NEK7: variants seen among roughly 807,000 people sequenced by gnomAD.
The protein encoded by NEK7 is NIMA related kinase 7, also known as serine/threonine-protein kinase Nek7.
NEK7 carries 18 observed loss-of-function variants against 44.6 expected under a neutral mutation model. That is an observed-to-expected ratio of 0.40 (90% CI 0.28 to 0.60). The LOEUF (loss-of-function observed/expected upper bound fraction) is 0.60. Among genes scored for constraint, NEK7 ranks in the 20% least tolerant of loss-of-function variants. The pLI is 0.38. For missense variants in NEK7, 256 were observed against 366.5 expected (o/e 0.70, Z 2.46); for synonymous variants, 130 against 121.1 (o/e 1.07, Z -0.48).
At chr1:198,230,305 C>T (rs940549547) in intron 1 of NEK7, among the ~76,000 whole-genome samples, 2 of 152,058 alleles carry the variant, frequency 1.3e-5, no homozygotes, top group Non-Finnish European at 2.9e-5. Flanking sequence ...GACCTTGAAT[C>T]CAATACTGCA....
intron 1 of NEK7, among the ~76,000 whole-genome samples, chr1:198,198,958 C>T (rs771382306): frequency 2.0e-5 from 3 of 152,194 alleles, no homozygotes; most frequent in Non-Finnish European, 2.9e-5. Context: ...AATTGCACTA[C>T]TGCTTATGTG....
intron 7 of NEK7, among the ~76,000 whole-genome samples, chr1:198,281,089 A>G (rs1654181195): frequency 6.6e-6 from 1 of 151,994 alleles, no homozygotes; most frequent in Non-Finnish European, 1.5e-5. Context: ...TTTGGACTCC[A>G]GTCTACTAAG....
chr1:198,158,669 T>C (rs1452247339), intron 1 of NEK7, among the ~76,000 whole-genome samples: 1 of 152,230 alleles, frequency 6.6e-6, no homozygotes, highest in Non-Finnish European at 1.5e-5. Context: ...TAATGCTTTG[T>C]GGCAACTCTT....
intron 5 of NEK7, among the ~76,000 whole-genome samples, chr1:198,275,464 A>G (rs887801471): frequency 6.6e-6 from 1 of 150,838 alleles, no homozygotes; most frequent in African/African-American, 2.4e-5. Context: ...TAACAAATAT[A>G]TGTACATTTT....
chr1:198,233,442 T>G (rs922261426), intron 2 of NEK7, among the ~76,000 whole-genome samples: 2 of 152,208 alleles, frequency 1.3e-5, no homozygotes, highest in African/African-American at 4.8e-5. Context: ...TTATTGCTGT[T>G]GTTCCTGAAG....
chr1:198,208,054 T>C (rs1665650212), intron 1 of NEK7, among the ~76,000 whole-genome samples: 1 of 152,208 alleles, frequency 6.6e-6, no homozygotes, highest in Non-Finnish European at 1.5e-5. Context: ...TGTGGTTTCA[T>C]GTAGATGTTT....
At position 198,320,030 on chromosome 1, in the gene NEK7, T is replaced by C. The variant is rs1655489999; in HGVS notation, c.*508T>C. On this transcript the variant is annotated 3_prime_UTR_variant, in exon 10 of 10. Transcript: ENST00000367385. The stretch of plus-strand genomic sequence containing the variant: ...TTCTTAGCAGAGTAGTTTTCAAATA[T>C]GATTCTTATGATAAATGTAGACACA... 6.6e-6 allele frequency: 1 copy of C among 152,222 alleles called. No individual in the cohort carries two copies. The highest frequency in any genetic ancestry group is 2.4e-5 in the African/African-American group (1 of 41,454). The allele number at this position is 152,222 out of a possible 1,614,324, so 9.4% of individuals were successfully genotyped here.
intron 1 of NEK7, among the ~76,000 whole-genome samples, chr1:198,183,268 ATAC>A (rs1478354023): frequency 7.3e-6 from 1 of 136,622 alleles, no homozygotes; most frequent in Non-Finnish European, 1.6e-5. Flanking sequence ...ATGTTTCGGA[ATAC>A]TACTACTTCC....
chr1:198,232,413 C>A, intron 1 of NEK7, 140 bp from the exon 2 acceptor site: 1 of 480,656 alleles, frequency 2.1e-6, no homozygotes, highest in Non-Finnish European at 3.8e-6. Flanking sequence ...TAGCAAATGG[C>A]AAAAGAGTGT....
rs553858627 is a variant in NEK7, at chr1:198,187,936, G to A, written c.-29+30660G>A. On this transcript the variant is annotated intron_variant, in intron 1 of 9. Transcript: ENST00000367385. Reference sequence around the variant, plus strand: ...CAGCTTCTTAGTTCCGCTAGTAGAGGGGGATTGATTTCCATGGAGGAATCT... The same window carrying A: ...CAGCTTCTTAGTTCCGCTAGTAGAGAGGGATTGATTTCCATGGAGGAATCT... 4.6e-5 allele frequency among the ~76,000 whole-genome samples: 7 copies of A among 152,288 alleles called. No individual in the cohort carries two copies. The South Asian group carries it at 8.3e-4, about 18-fold the overall frequency.
chr1:198,284,993 G>A (rs1654324626), intron 7 of NEK7, among the ~76,000 whole-genome samples: 1 of 152,116 alleles, frequency 6.6e-6, no homozygotes, highest in South Asian at 2.1e-4. Context: ...GTAAGTTACA[G>A]ATGAGAAAAC....
intron 1 of NEK7, among the ~76,000 whole-genome samples, chr1:198,158,867 G>T (rs1045159517): frequency 6.6e-6 from 1 of 152,274 alleles, no homozygotes; most frequent in Admixed American, 6.5e-5. Flanking sequence ...GGTCTCGCAC[G>T]GGGAACTTGC....
At chr1:198,310,646 C>A (rs1655152846) in intron 9 of NEK7, among the ~76,000 whole-genome samples, 2 of 152,046 alleles carry the variant, frequency 1.3e-5, no homozygotes, top group Admixed American at 1.3e-4. Flanking sequence ...GATCCAGTTT[C>A]AGCTTTCTAC....
intron 1 of NEK7, among the ~76,000 whole-genome samples, chr1:198,164,198 C>T (rs1664195623): frequency 6.6e-6 from 1 of 152,150 alleles, no homozygotes; most frequent in Non-Finnish European, 1.5e-5. Flanking sequence ...GAATTTGTTA[C>T]TGAACATTTA....
intron 1 of NEK7, among the ~76,000 whole-genome samples, chr1:198,209,239 C>G (rs1665695926): frequency 6.6e-6 from 1 of 150,612 alleles, no homozygotes; most frequent in East Asian, 2.0e-4. Context: ...ACTGCCTATA[C>G]TCTTTTTCAT....
intron 9 of NEK7, among the ~76,000 whole-genome samples, chr1:198,315,350 A>G (rs908363825): frequency 2.0e-5 from 3 of 152,160 alleles, no homozygotes; most frequent in African/African-American, 7.2e-5. Flanking sequence ...CTCCCTAGTG[A>G]GATGAACCCG....
Position 198,320,671 on chromosome 1 carries a change from G to A in NEK7, c.*1149G>A, listed in dbSNP as rs1655507686. ...TATGCATATGTTTGGTCTTGTTAAA[G>A]AGGAAGAAAGGATGTGTGTTATACT... On this transcript the variant is annotated 3_prime_UTR_variant, in exon 10 of 10. Coordinates refer to ENST00000367385, the MANE Select transcript of NEK7 (RefSeq NM_133494.3). The A allele has an allele frequency of 6.6e-6, 1 of 152,044 alleles. No homozygotes were observed. The highest frequency in any genetic ancestry group is 2.1e-4 in the South Asian group (1 of 4,826). The allele number at this position is 152,044 out of a possible 1,614,324, so 9.4% of individuals were successfully genotyped here.
At chr1:198,168,476 G>C (rs1004787880) in intron 1 of NEK7, among the ~76,000 whole-genome samples, 1 of 152,096 alleles carries the variant, frequency 6.6e-6, no homozygotes, top group Non-Finnish European at 1.5e-5. Flanking sequence ...AACTTTGTGG[G>C]GTATTTGCAT....
intron 9 of NEK7, among the ~76,000 whole-genome samples, chr1:198,304,761 A>G (rs1366040358): frequency 8.5e-5 from 13 of 152,188 alleles, no homozygotes; most frequent in Admixed American, 8.5e-4. Flanking sequence ...TACAGATCGA[A>G]ATGTATTAGT....
Sources: allele counts gnomAD v4.1 joint callset (sites outside exome capture counted in the v4.1 genomes callset), GRCh38; gene constraint gnomAD v4.1.1; transcripts MANE v1.5; gene names NCBI Gene and HGNC (gene_info 2026-07-23, HGNC 2026-07-21).